The following SH3RF2 variants were observed in gnomAD, a reference collection of about 807,000 sequenced individuals.
SH3RF2 encodes SH3 domain containing ring finger 2.
Under a neutral mutation model 59.0 loss-of-function variants are expected in SH3RF2, and 43 were observed. The ratio of observed to expected loss-of-function variants is 0.73; its 90% CI spans 0.57 to 0.94. SH3RF2 has a LOEUF of 0.94. Among genes scored for constraint, SH3RF2 ranks in the 40% least tolerant of loss-of-function variants. The pLI, the probability that SH3RF2 is intolerant of heterozygous loss-of-function variation, is 0.00. For synonymous variants in SH3RF2, 391 were observed against 391.5 expected (o/e 1.00, Z 0.01); for missense variants, 930 against 940.1 (o/e 0.99, Z 0.14).
At chr5:146,000,426 A>G in intron 3 of SH3RF2, 99 bp downstream of exon 3, 1 of 1,005,800 alleles carries the variant, frequency 9.9e-7, no homozygotes, top group Non-Finnish European at 1.3e-6. Flanking sequence ...AAAAAATTGT[A>G]TTTTAAATAT....
intron 2 of SH3RF2, among the ~76,000 whole-genome samples, chr5:145,966,798 G>A (rs1288600285): frequency 6.6e-6 from 1 of 152,164 alleles, no homozygotes; most frequent in Non-Finnish European, 1.5e-5. Context: ...AAAGCAGGTG[G>A]ATCATTTGAG....
chr5:145,976,140 C>T (rs1026935639), intron 2 of SH3RF2, among the ~76,000 whole-genome samples: 6 of 152,184 alleles, frequency 3.9e-5, no homozygotes, highest in Non-Finnish European at 8.8e-5. Context: ...AGCCACTTCA[C>T]ATAATGCTAC....
intron 2 of SH3RF2, among the ~76,000 whole-genome samples, chr5:145,948,499 C>T (rs1435908750): frequency 6.6e-6 from 1 of 152,178 alleles, no homozygotes; most frequent in African/African-American, 2.4e-5. Context: ...TGTAAGAGAA[C>T]GTGGATCATT....
intron 5 of SH3RF2, among the ~76,000 whole-genome samples, chr5:146,029,583 T>G (rs1218807180): frequency 1.3e-5 from 2 of 152,194 alleles, no homozygotes; most frequent in East Asian, 3.9e-4. Flanking sequence ...TCTGGATTTG[T>G]TCAGCAAACA....
intron 2 of SH3RF2, among the ~76,000 whole-genome samples, chr5:145,991,024 TC>T (rs1759912875): frequency 6.6e-6 from 1 of 152,184 alleles, no homozygotes; most frequent in Admixed American, 6.6e-5. Context: ...GTTCAATAAT[TC>T]ATGCTATTAC....
At chr5:146,015,781 A>C (rs1473465624) in intron 5 of SH3RF2, among the ~76,000 whole-genome samples, 1 of 152,256 alleles carries the variant, frequency 6.6e-6, no homozygotes, top group African/African-American at 2.4e-5. Context: ...TGAGAATTCC[A>C]CAGTATGGCA....
At position 145,992,593 on chromosome 5, in the gene SH3RF2, A is replaced by G. The variant is rs1254028385; in HGVS notation, c.379-7465A>G. Among the ~76,000 whole-genome samples the G allele has an allele frequency of 2.6e-5, 4 of 152,334 alleles. No individual in the cohort carries two copies. In the South Asian group the frequency reaches 8.3e-4, roughly 32 times the overall value. Reference sequence around the variant, plus strand: ...ACATGGCTGGGGAAGCCTCACAATCATGGCAGAAGGCAAGGAGGAGCATGT... The same window carrying G: ...ACATGGCTGGGGAAGCCTCACAATCGTGGCAGAAGGCAAGGAGGAGCATGT... On this transcript the variant is annotated intron_variant, in intron 2 of 9. Transcript: ENST00000359120.
chr5:146,077,988 C>T (rs1763368261), intron 9 of SH3RF2, among the ~76,000 whole-genome samples: 1 of 152,062 alleles, frequency 6.6e-6, no homozygotes, highest in Non-Finnish European at 1.5e-5. Flanking sequence ...ATAGGAATCC[C>T]TGAGCCTATA....
At chr5:146,072,562 T>C (rs565094924) in intron 9 of SH3RF2, among the ~76,000 whole-genome samples, 1 of 152,104 alleles carries the variant, frequency 6.6e-6, no homozygotes, top group South Asian at 2.1e-4. Flanking sequence ...TCCCAGCTAC[T>C]TGGGAGGCTG....
chr5:146,045,506 G>A (rs1034818950), intron 5 of SH3RF2, among the ~76,000 whole-genome samples: 2 of 152,122 alleles, frequency 1.3e-5, no homozygotes, highest in Non-Finnish European at 2.9e-5. Flanking sequence ...CCAACCCTTG[G>A]AAATTATCAT....
intron 5 of SH3RF2, among the ~76,000 whole-genome samples, chr5:146,022,874 AACACACACACACACACACACACACACAC>A (rs57377156): frequency 7.0e-6 from 1 of 141,964 alleles, no homozygotes; most frequent in African/African-American, 2.7e-5. Context: ...GCTCCATCTA[AACACACACACACACACACACACACACAC>A]ACACACACAC....
At chr5:146,036,651 C>A (rs747818210) in intron 5 of SH3RF2, among the ~76,000 whole-genome samples, 1 of 152,120 alleles carries the variant, frequency 6.6e-6, no homozygotes, top group South Asian at 2.1e-4. Context: ...GCCGAGATCA[C>A]GTCACTGCAC....
At chr5:146,030,772 G>T (rs1761715954) in intron 5 of SH3RF2, among the ~76,000 whole-genome samples, 2 of 139,722 alleles carry the variant, frequency 1.4e-5, no homozygotes, top group East Asian at 2.3e-4. Context: ...CAGGGGTGGG[G>T]GGTGAAAATC....
intron 5 of SH3RF2, among the ~76,000 whole-genome samples, chr5:146,030,731 T>C (rs1385724550): frequency 6.7e-6 from 1 of 149,652 alleles, no homozygotes; most frequent in African/African-American, 2.5e-5. Context: ...AGAATGGCTT[T>C]TACAGATGTG....
chr5:145,997,788 T>C, intron 2 of SH3RF2: 1 of 1,558,294 alleles, frequency 6.4e-7, no homozygotes, highest in Non-Finnish European at 8.8e-7. Flanking sequence ...TCCCTAAACC[T>C]AAAGAAAAAA....
chr5:146,044,534 G>A (rs1238927146), intron 5 of SH3RF2, among the ~76,000 whole-genome samples: 1 of 152,056 alleles, frequency 6.6e-6, no homozygotes, highest in Non-Finnish European at 1.5e-5. Context: ...GTATTTATTG[G>A]CCACTCAATA....
At chr5:146,029,526 T>C (rs1314829154) in intron 5 of SH3RF2, among the ~76,000 whole-genome samples, 2 of 152,132 alleles carry the variant, frequency 1.3e-5, no homozygotes, top group Admixed American at 1.3e-4. Context: ...TGATTCCATA[T>C]CATTCTATTG....
chr5:146,057,966 C>CTCTCTCTCTCTA (rs796279528), intron 8 of SH3RF2, among the ~76,000 whole-genome samples: 7 of 72,964 alleles, frequency 9.6e-5, no homozygotes, highest in African/African-American at 2.3e-4. Context: ...CTCTCTCTCT[C>CTCTCTCTCTCTA]TCTATCTATC....
At chr5:145,943,005 G>A (rs1367331985) in intron 2 of SH3RF2, among the ~76,000 whole-genome samples, 2 of 151,882 alleles carry the variant, frequency 1.3e-5, no homozygotes, top group Admixed American at 6.6e-5. Context: ...AATAATAAAG[G>A]CATACTTATA....
Sources: gnomAD v4.1 joint callset for allele counts (sites outside exome capture counted in the v4.1 genomes callset) on GRCh38, gnomAD v4.1.1 for gene constraint, MANE v1.5 for transcripts, NCBI Gene and HGNC (gene_info 2026-07-23, HGNC 2026-07-21) for gene names.